Variants in EPB41L4B observed in about 807,000 individuals in gnomAD.
EPB41L4B encodes the protein band 4.1-like protein 4B.
In EPB41L4B, 30 loss-of-function variants were observed where a neutral mutation model predicts 112.5. That is an observed-to-expected ratio of 0.27 (90% confidence interval 0.20 to 0.36). The LOEUF (loss-of-function observed/expected upper bound fraction) is 0.36. EPB41L4B is among the 10% of genes least tolerant of loss of function. EPB41L4B has a pLI of 1.00. For synonymous variants in EPB41L4B, 408 were observed against 439.7 expected (o/e 0.93, Z 0.90); for missense variants, 1,024 against 1,133.3 (o/e 0.90, Z 1.38).
chr9:109,248,320 C>G (rs1834638289), intron 13 of EPB41L4B, among the ~76,000 whole-genome samples: 1 of 152,224 alleles, frequency 6.6e-6, no homozygotes, highest in Admixed American at 6.5e-5. Context: ...TTGGAATGTT[C>G]TCTCCAGACA....
At chr9:109,265,056 T>C in intron 4 of EPB41L4B, 32 bp from the exon 5 acceptor site, 1 of 1,584,962 alleles carries the variant, frequency 6.3e-7, no homozygotes. Flanking sequence ...CAACAGAGGG[T>C]AACTCTTTCC....
chr9:109,209,636 A>G (rs917049357), intron 17 of EPB41L4B, among the ~76,000 whole-genome samples: 2 of 143,320 alleles, frequency 1.4e-5, no homozygotes, highest in Non-Finnish European at 3.1e-5. Flanking sequence ...AACAGAGCAA[A>G]ACCCTGTCTC....
chr9:109,199,914 T>C (rs966766751), intron 20 of EPB41L4B, among the ~76,000 whole-genome samples: 1 of 152,092 alleles, frequency 6.6e-6, no homozygotes, highest in African/African-American at 2.4e-5. Flanking sequence ...AATGCAGCCT[T>C]GTAAGAGCCC....
At chr9:109,216,798 C>G in intron 16 of EPB41L4B, 124 bp downstream of exon 16, 1 of 1,002,874 alleles carries the variant, frequency 1.0e-6, no homozygotes, top group Non-Finnish European at 1.5e-6. Context: ...ACCCGGTAGC[C>G]CAGCATAACA....
At chr9:109,206,015 A>C (rs16913986) in intron 18 of EPB41L4B, among the ~76,000 whole-genome samples, 8,891 of 152,266 alleles carry the variant, frequency 0.058, 404 homozygotes, top group Admixed American at 0.13. Context: ...ATGTTCTGGA[A>C]GGACCTAAAT....
At chr9:109,255,268 C>T (rs1834934550) in intron 11 of EPB41L4B, among the ~76,000 whole-genome samples, 1 of 152,180 alleles carries the variant, frequency 6.6e-6, no homozygotes, top group Non-Finnish European at 1.5e-5. Flanking sequence ...CTAGTGCCTA[C>T]TGTATTGAAC....
At position 109,311,851 on chromosome 9, in the gene EPB41L4B, A is replaced by G. The variant is rs375378345; in HGVS notation, c.306+8290T>C. On this transcript the variant is annotated intron_variant, in intron 1 of 25. Transcript: ENST00000374566. The stretch of plus-strand genomic sequence containing the variant: ...CCATACTTACCAGCAGAGTGGCCCG[A>G]GGCCATCTGCTCTCCGAGACCATCT... Among the ~76,000 whole-genome samples, 8 of 152,340 alleles carry G rather than the reference A, an allele frequency of 5.3e-5. No homozygotes were observed. The East Asian group carries it at 1.4e-3, about 26-fold the overall frequency.
chr9:109,245,483 C>T (rs537460936), intron 14 of EPB41L4B, among the ~76,000 whole-genome samples: 1 of 152,294 alleles, frequency 6.6e-6, no homozygotes, highest in South Asian at 2.1e-4. Flanking sequence ...ACACTCATAT[C>T]CCTTGGAGGA....
chr9:109,283,696 A>G (rs1487384755), intron 1 of EPB41L4B, among the ~76,000 whole-genome samples: 1 of 152,240 alleles, frequency 6.6e-6, no homozygotes, highest in Non-Finnish European at 1.5e-5. Context: ...ATGTACATAG[A>G]CTGCTTGATA....
intron 1 of EPB41L4B, among the ~76,000 whole-genome samples, chr9:109,306,805 C>T (rs1028633230): frequency 2.0e-5 from 3 of 152,108 alleles, no homozygotes; most frequent in African/African-American, 4.8e-5. Context: ...AGCCAGCCTT[C>T]GAAAAGGCAG....
chr9:109,253,894 T>C (rs114855988), intron 11 of EPB41L4B, among the ~76,000 whole-genome samples: 2,371 of 152,324 alleles, frequency 0.016, 65 homozygotes, highest in African/African-American at 0.054. Flanking sequence ...TGCATAGACA[T>C]TTAACCCATC....
intron 1 of EPB41L4B, among the ~76,000 whole-genome samples, chr9:109,293,184 A>T (rs1836596315): frequency 6.6e-6 from 1 of 152,226 alleles, no homozygotes; most frequent in Admixed American, 6.5e-5. Flanking sequence ...GCAACAAAAG[A>T]TTACCAGAAT....
intron 11 of EPB41L4B, among the ~76,000 whole-genome samples, chr9:109,254,433 C>A (rs1397715959): frequency 2.9e-5 from 4 of 138,776 alleles, no homozygotes; most frequent in African/African-American, 1.1e-4. Context: ...ATTCTTTAAA[C>A]AGAAGTTCAT....
At chr9:109,187,366 G>T (rs541843361) in intron 22 of EPB41L4B, among the ~76,000 whole-genome samples, 1 of 152,034 alleles carries the variant, frequency 6.6e-6, no homozygotes, top group African/African-American at 2.4e-5. Context: ...TGGTCTTCAC[G>T]ATGGCCTGTT....
At position 109,247,820 on chromosome 9, in the gene EPB41L4B, A is replaced by G. The variant is rs142751716; in HGVS notation, c.1311-31T>C. 3,125 of 1,454,944 alleles carry G rather than the reference A, an allele frequency of 2.1e-3. 57 individuals are homozygous for G. In the African/African-American group the frequency reaches 0.041, roughly 19 times the overall value. The allele number at this position is 1,454,944 out of a possible 1,614,324, so 90.1% of individuals were successfully genotyped here. A position where few individuals can be genotyped will look rare whatever the true frequency, so the allele number is the denominator to read the frequency against. On this transcript the variant is annotated intron_variant, in intron 13 of 25. Coordinates refer to ENST00000374566, the MANE Select transcript of EPB41L4B (RefSeq NM_019114.5). ...CAAACAAACAAACAAAAAACAGAAA[A>G]AAAAAGAAAAATAGGTTGTAGAGTG...
intron 15 of EPB41L4B, chr9:109,241,504 G>A (rs1273889855): frequency 6.9e-7 from 1 of 1,446,492 alleles, no homozygotes; most frequent in Non-Finnish European, 9.0e-7. Context: ...AGCTATAGTG[G>A]TTTTATCTTC....
chr9:109,281,722 A>AATTAATT (rs1836061182), intron 1 of EPB41L4B, among the ~76,000 whole-genome samples: 9 of 125,554 alleles, frequency 7.2e-5, no homozygotes, highest in African/African-American at 2.3e-4. Flanking sequence ...ATAAATAAAT[A>AATTAATT]AATTAATTAA....
rs1336800223 is a variant in EPB41L4B at position 109,176,704 on chromosome 9, A to G, written c.2488-8T>C. The stretch of plus-strand genomic sequence containing the variant: ...ACTGTCTCTGAAGTCTGCCTGGAGA[A>G]GAAACAGGAAAGAGGAGATCAATCT... On this transcript the variant is annotated splice_polypyrimidine_tract_variant and splice_region_variant and intron_variant, in intron 24 of 25. Coordinates refer to ENST00000374566, the MANE Select transcript of EPB41L4B (RefSeq NM_019114.5). 6.2e-7 allele frequency: 1 copy of G among 1,613,128 alleles called. No homozygotes were observed. Among genetic ancestry groups the G allele is most frequent in the East Asian group, 2.2e-5 (1 of 44,876 alleles).
chr9:109,191,762 A>G (rs528180637), intron 22 of EPB41L4B, among the ~76,000 whole-genome samples: 3 of 151,928 alleles, frequency 2.0e-5, no homozygotes, highest in East Asian at 3.9e-4. Context: ...CAGGCCCTTT[A>G]CTTGTTCCCT....
Sources: gnomAD v4.1 joint callset for allele counts (sites outside exome capture counted in the v4.1 genomes callset) on GRCh38, gnomAD v4.1.1 for gene constraint, MANE v1.5 for transcripts, NCBI Gene and HGNC (gene_info 2026-07-23, HGNC 2026-07-21) for gene names.